Variants in SH3GL3 observed in about 807,000 individuals in gnomAD.
SH3GL3 encodes the protein SH3 domain containing GRB2 like 3, endophilin A3.
Under a neutral mutation model 47.7 loss-of-function variants are expected in SH3GL3, and 33 were observed. That is an observed-to-expected ratio of 0.69 (90% CI 0.52 to 0.92). The LOEUF is 0.92. Ranked by LOEUF, SH3GL3 falls within the 40% of genes least tolerant of loss-of-function variation. The probability of loss-of-function intolerance (pLI) is 0.00; values close to 1 mark genes in which losing one functional copy is unlikely to be tolerated. For missense variants in SH3GL3, 363 were observed against 417.8 expected, an observed-to-expected ratio of 0.87 and a Z score of 1.14; for synonymous variants, 155 against 148.8, an observed-to-expected ratio of 1.04 and a Z score of -0.30.
the SH3GL3 span, among the ~76,000 whole-genome samples, chr15:83,629,886 G>T: frequency 1.2e-4 from 18 of 152,116 alleles, no homozygotes; most frequent in African/African-American, 4.3e-4. Flanking sequence ...TAAAGCTTTT[G>T]GAAGAAAATA....
intron 1 of SH3GL3, among the ~76,000 whole-genome samples, chr15:83,551,489 A>G (rs960915585): frequency 5.9e-5 from 9 of 152,080 alleles, no homozygotes; most frequent in Non-Finnish European, 1.0e-4. Context: ...TAATTTTGGC[A>G]TTTTTCCCCA....
chr15:83,536,638 T>C lies in SH3GL3; in HGVS notation c.46-22615T>C, dbSNP rs115626908. 4.0e-3 allele frequency among the ~76,000 whole-genome samples: 611 copies of C among 152,192 alleles called. 4 individuals are homozygous for C. Among genetic ancestry groups the C allele is most frequent in the African/African-American group, 0.014 (590 of 41,530 alleles). The stretch of plus-strand genomic sequence containing the variant: ...GGCTGGTCTTGAACTTCTGACTTTG[T>C]GATCCACCCAAAGTGCTGGGATTAC... On this transcript the variant is annotated intron_variant, in intron 1 of 8. Coordinates refer to ENST00000427482, the MANE Select transcript of SH3GL3 (RefSeq NM_003027.5).
intron 1 of SH3GL3, among the ~76,000 whole-genome samples, chr15:83,507,786 C>G (rs1032352030): frequency 1.3e-5 from 2 of 152,046 alleles, no homozygotes; most frequent in African/African-American, 4.8e-5. Context: ...TTTCTAGGTG[C>G]TTGGAATATA....
chr15:83,536,430 G>C (rs1490443702), intron 1 of SH3GL3, among the ~76,000 whole-genome samples: 1 of 132,740 alleles, frequency 7.5e-6, no homozygotes, highest in Non-Finnish European at 1.5e-5. Flanking sequence ...TTGAGACAGA[G>C]TCTTACTCTG....
At chr15:83,604,162 A>AG (rs2060459284) in intron 8 of SH3GL3, among the ~76,000 whole-genome samples, 1 of 152,132 alleles carries the variant, frequency 6.6e-6, no homozygotes, top group Non-Finnish European at 1.5e-5. Flanking sequence ...AAAAAAAAAA[A>AG]GAAGCTAGGT....
chr15:83,466,485 A>C (rs1225265113), intron 1 of SH3GL3, among the ~76,000 whole-genome samples: 1 of 152,114 alleles, frequency 6.6e-6, no homozygotes, highest in African/African-American at 2.4e-5. Context: ...CAAGATGGAA[A>C]CACCCACCCA....
At chr15:83,611,320 G>T (rs556281315) in intron 8 of SH3GL3, 281 of 151,948 alleles carry the variant, frequency 1.8e-3, no homozygotes, top group African/African-American at 6.2e-3. Context: ...ATTTAACAGG[G>T]ACACTCCCTT....
At chr15:83,470,183 T>G (rs944347945) in intron 1 of SH3GL3, among the ~76,000 whole-genome samples, 1 of 152,340 alleles carries the variant, frequency 6.6e-6, no homozygotes, top group South Asian at 2.1e-4. Flanking sequence ...TATATACATT[T>G]TTTGACTTTC....
chr15:83,517,448 C>A (rs1214321032), intron 1 of SH3GL3, among the ~76,000 whole-genome samples: 1 of 151,960 alleles, frequency 6.6e-6, no homozygotes, highest in Non-Finnish European at 1.5e-5. Context: ...TCAGGTAATC[C>A]ACCTGCCTCA....
At chr15:83,517,748 AT>A (rs141725189) in intron 1 of SH3GL3, among the ~76,000 whole-genome samples, 13,362 of 152,168 alleles carry the variant, frequency 0.088, 789 homozygotes, top group Non-Finnish European at 0.13. Context: ...TTTAAAAATA[AT>A]TTTAACCTTT....
At chr15:83,527,650 T>A (rs926270452) in intron 1 of SH3GL3, among the ~76,000 whole-genome samples, 1 of 152,206 alleles carries the variant, frequency 6.6e-6, no homozygotes, top group African/African-American at 2.4e-5. Context: ...AGTTGGCTAA[T>A]GTTTTTTAAT....
chr15:83,473,780 C>G (rs957212563), intron 1 of SH3GL3, among the ~76,000 whole-genome samples: 1 of 151,568 alleles, frequency 6.6e-6, no homozygotes, highest in Non-Finnish European at 1.5e-5. Context: ...ATCTCCTGAC[C>G]TCGTGATCTG....
intron 6 of SH3GL3, among the ~76,000 whole-genome samples, chr15:83,577,882 G>A (rs990451550): frequency 6.6e-6 from 1 of 152,234 alleles, no homozygotes; most frequent in South Asian, 2.1e-4. Context: ...ACTTGGCAAG[G>A]CAGATGGTTA....
At chr15:83,597,605 A>G (rs1266836379) in intron 8 of SH3GL3, among the ~76,000 whole-genome samples, 3 of 150,888 alleles carry the variant, frequency 2.0e-5, no homozygotes, top group Non-Finnish European at 4.4e-5. Flanking sequence ...TTATTTTATT[A>G]TAATTATTAT....
intron 1 of SH3GL3, among the ~76,000 whole-genome samples, chr15:83,545,486 A>T (rs1357298465): frequency 6.6e-6 from 1 of 152,220 alleles, no homozygotes; most frequent in African/African-American, 2.4e-5. Context: ...CTGAAAGGTC[A>T]CATATCTCCA....
At chr15:83,461,621 A>C (rs1456026078) in intron 1 of SH3GL3, among the ~76,000 whole-genome samples, 1 of 152,080 alleles carries the variant, frequency 6.6e-6, no homozygotes, top group Admixed American at 6.5e-5. Context: ...TTTTATGACA[A>C]TGTATTTACA....
At chr15:83,460,062 C>T (rs1291697989) in intron 1 of SH3GL3, among the ~76,000 whole-genome samples, 2 of 105,974 alleles carry the variant, frequency 1.9e-5, no homozygotes. Flanking sequence ...CCCTGCCTCC[C>T]TCCCTCCCTT....
intron 1 of SH3GL3, among the ~76,000 whole-genome samples, chr15:83,457,270 G>C (rs991078766): frequency 2.0e-5 from 3 of 152,228 alleles, no homozygotes; most frequent in Admixed American, 2.0e-4. Context: ...TCTCTCCCAA[G>C]ACTAACCATC....
At chr15:83,526,079 G>A (rs1429830209) in intron 1 of SH3GL3, among the ~76,000 whole-genome samples, 1 of 152,134 alleles carries the variant, frequency 6.6e-6, no homozygotes, top group Non-Finnish European at 1.5e-5. Context: ...TATTTTAATA[G>A]GGATTGCACT....
Sources: allele counts gnomAD v4.1 joint callset (sites outside exome capture counted in the v4.1 genomes callset), GRCh38; gene constraint gnomAD v4.1.1; transcripts MANE v1.5; gene names NCBI Gene and HGNC (gene_info 2026-07-23, HGNC 2026-07-21).